The following LARGE1 variants were observed in gnomAD, a reference collection of about 807,000 sequenced individuals.
LARGE1 encodes xylosyl- and glucuronyltransferase LARGE1.
Under a neutral mutation model 87.6 loss-of-function variants are expected in LARGE1, and 43 were observed. That is an observed-to-expected ratio of 0.49 (90% CI 0.38 to 0.63). LARGE1 has a LOEUF of 0.63. Ranked by LOEUF, LARGE1 falls within the 30% of genes least tolerant of loss-of-function variation. The pLI, the probability that LARGE1 is intolerant of heterozygous loss-of-function variation, is 0.00. For missense variants in LARGE1, 802 were observed against 1,000.2 expected, an observed-to-expected ratio of 0.80 and a Z score of 2.67; for synonymous variants, 434 against 394.6, an observed-to-expected ratio of 1.10 and a Z score of -1.18.
intron 11 of LARGE1, among the ~76,000 whole-genome samples, chr22:33,254,469 T>C (rs988359952): frequency 1.3e-5 from 2 of 152,222 alleles, no homozygotes; most frequent in African/African-American, 2.4e-5. Context: ...GTCTATTTTA[T>C]ATACAGTTTC....
At chr22:33,449,845 A>T (rs7284217) in intron 6 of LARGE1, among the ~76,000 whole-genome samples, 4 of 151,974 alleles carry the variant, frequency 2.6e-5, no homozygotes, top group African/African-American at 7.3e-5. Flanking sequence ...CCCATCAAGA[A>T]GACTGCGTCC....
At chr22:33,177,108 G>A (rs931515240) in intron 11 of LARGE1, among the ~76,000 whole-genome samples, 5 of 152,150 alleles carry the variant, frequency 3.3e-5, no homozygotes, top group Non-Finnish European at 5.9e-5. Flanking sequence ...GTTGAACAAT[G>A]AGAACACACG....
At chr22:33,399,103 T>TTAGG (rs992002385) in intron 7 of LARGE1, among the ~76,000 whole-genome samples, 1 of 152,180 alleles carries the variant, frequency 6.6e-6, no homozygotes, top group Non-Finnish European at 1.5e-5. Context: ...CCTTCAAGCA[T>TTAGG]TAGGTATTTG....
intron 11 of LARGE1, among the ~76,000 whole-genome samples, chr22:33,253,642 GT>G (rs1414635260): frequency 6.6e-6 from 1 of 152,218 alleles, no homozygotes; most frequent in Non-Finnish European, 1.5e-5. Context: ...AACCCGGAAG[GT>G]GGAGGTTGCA....
chr22:33,766,632 C>G (rs1433546725), intron 1 of LARGE1, among the ~76,000 whole-genome samples: 1 of 151,868 alleles, frequency 6.6e-6, no homozygotes, highest in Non-Finnish European at 1.5e-5. Context: ...ACCATGTTAG[C>G]CAGGCTGGTC....
At chr22:33,617,606 C>G (rs1258606522) in intron 4 of LARGE1, among the ~76,000 whole-genome samples, 1 of 152,126 alleles carries the variant, frequency 6.6e-6, no homozygotes, top group Non-Finnish European at 1.5e-5. Context: ...TGCCTGAGGC[C>G]CCTTAGAAAA....
In LARGE1 at chr22:33,773,895, T is replaced by G. The variant is rs372644504; in HGVS notation, c.-82-12337A>C. Among the ~76,000 whole-genome samples, 78 of 152,344 alleles carry G rather than the reference T, an allele frequency of 5.1e-4. 1 individual carries two copies. The highest frequency in any genetic ancestry group is 1.8e-3 in the African/African-American group (73 of 41,568). On this transcript the variant is annotated intron_variant, in intron 1 of 14. Transcript: ENST00000397394. Reference sequence around the variant, plus strand: ...AGGACTAAAATAAATTGATTGACTATAGCTGTTCGACCAATCAAAATCTAA... The same window carrying G: ...AGGACTAAAATAAATTGATTGACTAGAGCTGTTCGACCAATCAAAATCTAA...
intron 1 of LARGE1, among the ~76,000 whole-genome samples, chr22:33,764,073 C>G (rs1420627380): frequency 6.6e-6 from 1 of 151,930 alleles, no homozygotes; most frequent in African/African-American, 2.4e-5. Context: ...TGGTCTCAAT[C>G]TCTCGACCTT....
intron 1 of LARGE1, among the ~76,000 whole-genome samples, chr22:33,872,519 G>A (rs1373218972): frequency 1.7e-4 from 26 of 151,564 alleles, no homozygotes; most frequent in Admixed American, 1.6e-3. Context: ...CACCAACACC[G>A]CCACCCCCCC....
At chr22:33,441,091 T>TTTTTTTTTTTTTTTTGG (rs2067457012) in intron 6 of LARGE1, among the ~76,000 whole-genome samples, 1 of 143,466 alleles carries the variant, frequency 7.0e-6, no homozygotes, top group African/African-American at 2.7e-5. Flanking sequence ...TTTTTTTTTT[T>TTTTTTTTTTTTTTTTGG]GAGAGGGAGT....
chr22:33,524,876 AC>A (rs1347734741), intron 6 of LARGE1, among the ~76,000 whole-genome samples: 1 of 152,206 alleles, frequency 6.6e-6, no homozygotes, highest in Non-Finnish European at 1.5e-5. Flanking sequence ...ATGTTTATCT[AC>A]TGAATTAATC....
chr22:33,475,209 T>G (rs1031059905), intron 6 of LARGE1, among the ~76,000 whole-genome samples: 1 of 152,162 alleles, frequency 6.6e-6, no homozygotes, highest in African/African-American at 2.4e-5. Flanking sequence ...TACCAGGGTT[T>G]GAATCTCTGT....
chr22:33,591,599 G>C (rs2078839981), intron 5 of LARGE1, among the ~76,000 whole-genome samples: 1 of 152,066 alleles, frequency 6.6e-6, no homozygotes. Context: ...TCAGTCTGTA[G>C]CTTATCCTTA....
chr22:33,662,046 AAACACT>A (rs1397350159), intron 2 of LARGE1, among the ~76,000 whole-genome samples: 1 of 150,856 alleles, frequency 6.6e-6, no homozygotes, highest in African/African-American at 2.4e-5. Flanking sequence ...CACACATAAA[AAACACT>A]AACACTAAGG....
chr22:33,096,070 A>G, the LARGE1 span, among the ~76,000 whole-genome samples: 14 of 152,146 alleles, frequency 9.2e-5, no homozygotes, highest in African/African-American at 3.4e-4. Flanking sequence ...AACAAGTCCC[A>G]CTTCCTCCAC....
intron 2 of LARGE1, among the ~76,000 whole-genome samples, chr22:33,651,011 A>G (rs879421004): frequency 6.6e-6 from 1 of 151,552 alleles, no homozygotes; most frequent in Non-Finnish European, 1.5e-5. Context: ...AAGTGGGCGG[A>G]TTGGGGAGAA....
intron 6 of LARGE1, chr22:33,436,772 G>A (rs1231239915): frequency 6.6e-6 from 1 of 152,608 alleles, no homozygotes; most frequent in Non-Finnish European, 1.5e-5. Context: ...CATCGAATCT[G>A]TTCTTTCACG....
At chr22:33,589,159 G>T (rs1193704041) in intron 5 of LARGE1, among the ~76,000 whole-genome samples, 3 of 152,188 alleles carry the variant, frequency 2.0e-5, no homozygotes, top group Non-Finnish European at 2.9e-5. Flanking sequence ...CGGCTAGGCT[G>T]CAGGGCTCAA....
chr22:33,412,306 T>TATATATATATATA (rs1555912561), intron 7 of LARGE1, among the ~76,000 whole-genome samples: 7 of 151,420 alleles, frequency 4.6e-5, no homozygotes, highest in African/African-American at 1.7e-4. Flanking sequence ...TATATATATA[T>TATATATATATATA]TTATTATTAT....
Sources: allele counts gnomAD v4.1 joint callset (sites outside exome capture counted in the v4.1 genomes callset), GRCh38; gene constraint gnomAD v4.1.1; transcripts MANE v1.5; gene names NCBI Gene and HGNC (gene_info 2026-07-23, HGNC 2026-07-21).